The following MRPL30 variants were observed in gnomAD, a reference collection of about 807,000 sequenced individuals.
The protein encoded by MRPL30 is large ribosomal subunit protein uL30m.
A neutral mutation model predicts 17.2 loss-of-function variants in MRPL30; 10 were observed. The ratio of observed to expected loss-of-function variants is 0.58; its 90% CI spans 0.36 to 0.99. MRPL30 has a LOEUF of 0.99. Ranked by LOEUF, MRPL30 falls within the 50% of genes least tolerant of loss-of-function variation. The pLI is 0.01. For synonymous variants in MRPL30, 61 were observed against 62.1 expected (o/e 0.98, Z 0.08); for missense variants, 170 against 189.8 (o/e 0.90, Z 0.61).
At chr2:99,187,202 A>C (rs570333657) in intron 2 of MRPL30, among the ~76,000 whole-genome samples, 1 of 152,334 alleles carries the variant, frequency 6.6e-6, no homozygotes, top group South Asian at 2.1e-4. Flanking sequence ...TCTGCAATGC[A>C]GGAAATGCTG....
chr2:99,192,809 A>G (rs1309213543), intron 3 of MRPL30, among the ~76,000 whole-genome samples: 1 of 152,222 alleles, frequency 6.6e-6, no homozygotes, highest in African/African-American at 2.4e-5. Flanking sequence ...AGGAATCACC[A>G]CACTGTCTTC....
At chr2:99,192,239 C>T (rs1049061957) in intron 3 of MRPL30, among the ~76,000 whole-genome samples, 5 of 152,054 alleles carry the variant, frequency 3.3e-5, no homozygotes, top group African/African-American at 1.2e-4. Flanking sequence ...TCTCTAGCTG[C>T]TCTCTCTGTT....
rs147254203 is a variant in MRPL30, at chr2:99,187,286, T to G, written c.52-891T>G. On this transcript the variant is annotated intron_variant, in intron 2 of 5. Transcript: ENST00000338148. The stretch of plus-strand genomic sequence containing the variant: ...GGTATGAAAGGTTGGCAGTGAATCC[T>G]TTTTCTTCAGCAGCCTGAGAGAAAT... Among the ~76,000 whole-genome samples, 285 of 152,334 alleles carry G rather than the reference T, an allele frequency of 1.9e-3. 4 individuals carry two copies. Among genetic ancestry groups the G allele is most frequent in the African/African-American group, 6.6e-3 (275 of 41,582 alleles).
At position 99,196,099 on chromosome 2, in the gene MRPL30, T is replaced by C. The variant is rs1467565046; in HGVS notation, c.*394T>C. 1 of 189,296 alleles carries C rather than the reference T, an allele frequency of 5.3e-6. No individual in the cohort carries two copies. The highest frequency in any genetic ancestry group is 2.4e-5 in the African/African-American group (1 of 41,510). 11.7% of individuals were successfully genotyped at this position (189,296 alleles called of 1,614,324 possible). A position where few individuals can be genotyped will look rare whatever the true frequency, so the allele number is the denominator to read the frequency against. On this transcript the variant is annotated 3_prime_UTR_variant, in exon 6 of 6. Coordinates refer to ENST00000338148, the MANE Select transcript of MRPL30 (RefSeq NM_145212.4). ...CCATCTCAGGGGAAAAAAAAAAATTTTTTTTTCACTGACTAAACCTGCTGC... is the reference window on the plus strand; with the variant it reads ...CCATCTCAGGGGAAAAAAAAAAATTCTTTTTTCACTGACTAAACCTGCTGC...
chr2:99,194,675 C>T lies in MRPL30; in HGVS notation c.133-76C>T, dbSNP rs1173764270. ...TATGTAGTTGTGTATGTGTGTGTGTCTTTTAAGAAAAAATGGGAGGTACAC... is the reference window on the plus strand; with the variant it reads ...TATGTAGTTGTGTATGTGTGTGTGTTTTTTAAGAAAAAATGGGAGGTACAC... On this transcript the variant is annotated intron_variant, in intron 3 of 5. Coordinates refer to ENST00000338148, the MANE Select transcript of MRPL30 (RefSeq NM_145212.4). 2.2e-6 allele frequency: 3 copies of T among 1,353,178 alleles called. No homozygotes were observed. The African/African-American group carries it at 4.5e-5, about 20-fold the overall frequency. 83.8% of individuals were successfully genotyped at this position (1,353,178 alleles called of 1,614,324 possible). A position where few individuals can be genotyped will look rare whatever the true frequency, so the allele number is the denominator to read the frequency against.
intron 3 of MRPL30, among the ~76,000 whole-genome samples, chr2:99,193,446 T>C (rs2093950264): frequency 6.6e-6 from 1 of 152,006 alleles, no homozygotes; most frequent in Non-Finnish European, 1.5e-5. Flanking sequence ...TGGGGGTCAA[T>C]TTTTTTTCTA....
At chr2:99,182,485 G>A (rs2093926127) in intron 1 of MRPL30, among the ~76,000 whole-genome samples, 2 of 152,252 alleles carry the variant, frequency 1.3e-5, no homozygotes, top group South Asian at 4.1e-4. Flanking sequence ...AACCCGGGAG[G>A]CGGAGCTTGC....
intron 3 of MRPL30, among the ~76,000 whole-genome samples, chr2:99,193,721 T>C (rs2093950674): frequency 6.6e-6 from 1 of 152,214 alleles, no homozygotes; most frequent in South Asian, 2.1e-4. Context: ...ATGGTAGTAT[T>C]GTATCCTATA....
At chr2:99,194,672 T>C (rs1367690492) in intron 3 of MRPL30, 79 bp from the exon 4 acceptor site, 1 of 1,278,144 alleles carries the variant, frequency 7.8e-7, no homozygotes, top group African/African-American at 1.5e-5. Context: ...TATGTGTGTG[T>C]GTCTTTTAAG....
chr2:99,187,939 A>C (rs2093936742), intron 2 of MRPL30, among the ~76,000 whole-genome samples: 2 of 152,188 alleles, frequency 1.3e-5, no homozygotes, highest in African/African-American at 2.4e-5. Context: ...AATGTTTACT[A>C]TCTGGTCCTT....
At position 99,199,274 on chromosome 2, in the gene MRPL30, T is replaced by C. The variant is rs1387713489; in HGVS notation, c.*3569T>C. Among the ~76,000 whole-genome samples the C allele has an allele frequency of 6.6e-6, 1 of 152,188 alleles. No homozygotes were observed. Among genetic ancestry groups the C allele is most frequent in the Non-Finnish European group, 1.5e-5 (1 of 68,044 alleles). ...AATTACTGTCTAAACCATTTGCCAC[T>C]CTTTGTGTATATTTGTCAAAATCTG... On this transcript the variant is annotated 3_prime_UTR_variant, in exon 6 of 6. Transcript: ENST00000338148.
Position 99,194,743 on chromosome 2 carries a change from C to T in MRPL30, c.133-8C>T, listed in dbSNP as rs1408580832. 2 of 1,566,522 alleles carry T rather than the reference C, an allele frequency of 1.3e-6. No homozygotes were observed. Among genetic ancestry groups the T allele is most frequent in the South Asian group, 2.5e-5 (2 of 81,580 alleles). ...GAAATTTACCATTTATAATTCTTTC[C>T]TTTCTAGGTGTTTCAGGCCTCACCT... On this transcript the variant is annotated splice_polypyrimidine_tract_variant and splice_region_variant and intron_variant, in intron 3 of 5. Coordinates refer to ENST00000338148, the MANE Select transcript of MRPL30 (RefSeq NM_145212.4).
At chr2:99,194,459 G>A (rs927174708) in intron 3 of MRPL30, among the ~76,000 whole-genome samples, 1 of 152,158 alleles carries the variant, frequency 6.6e-6, no homozygotes, top group South Asian at 2.1e-4. Context: ...AGAATAGGGA[G>A]GGAAGAGGAT....
In MRPL30 at chr2:99,197,855, A is replaced by C. The variant is rs776814052; in HGVS notation, c.*2150A>C. Reference sequence around the variant, plus strand: ...AGCCAAGTGTTGCTATGTTGTCCACACTGATCTGGAGCTTCTAATCTCAAA... The same window carrying C: ...AGCCAAGTGTTGCTATGTTGTCCACCCTGATCTGGAGCTTCTAATCTCAAA... On this transcript the variant is annotated 3_prime_UTR_variant, in exon 6 of 6. Transcript: ENST00000338148. Among the ~76,000 whole-genome samples, 1 of 152,024 alleles carries C rather than the reference A, an allele frequency of 6.6e-6. No homozygotes were observed. Among genetic ancestry groups the C allele is most frequent in the Non-Finnish European group, 1.5e-5 (1 of 68,020 alleles).
chr2:99,182,044 G>T (rs919453248), intron 1 of MRPL30, among the ~76,000 whole-genome samples: 3 of 151,972 alleles, frequency 2.0e-5, no homozygotes, highest in African/African-American at 7.2e-5. Context: ...GAGGAAAAAC[G>T]CCTTTTTTCA....
intron 5 of MRPL30, 27 bp downstream of exon 5, chr2:99,195,216 T>C: frequency 6.4e-7 from 1 of 1,557,672 alleles, no homozygotes; most frequent in South Asian, 1.1e-5. Context: ...CAGCTCTTTT[T>C]AAAATGTATT....
At chr2:99,189,812 A>G (rs1334221663) in intron 3 of MRPL30, among the ~76,000 whole-genome samples, 2 of 152,200 alleles carry the variant, frequency 1.3e-5, no homozygotes, top group East Asian at 1.9e-4. Flanking sequence ...TAAGTGTGCT[A>G]TTCAATGGCA....
chr2:99,188,596 T>G (rs990356098), intron 3 of MRPL30, among the ~76,000 whole-genome samples: 1 of 152,250 alleles, frequency 6.6e-6, no homozygotes, highest in Admixed American at 6.5e-5. Flanking sequence ...TCATTTTCAC[T>G]TTCCGTATCG....
intron 3 of MRPL30, among the ~76,000 whole-genome samples, chr2:99,192,298 C>T (rs528608293): frequency 4.6e-5 from 7 of 151,922 alleles, no homozygotes; most frequent in South Asian, 4.2e-4. Flanking sequence ...TTTTAAGTTC[C>T]GGTATACACG....
Sources: gnomAD v4.1 joint callset for allele counts (sites outside exome capture counted in the v4.1 genomes callset) on GRCh38, gnomAD v4.1.1 for gene constraint, MANE v1.5 for transcripts, NCBI Gene and HGNC (gene_info 2026-07-23, HGNC 2026-07-21) for gene names.